SGCD: variants seen among roughly 807,000 people sequenced by gnomAD.
SGCD encodes sarcoglycan delta, also known as delta-sarcoglycan.
A neutral mutation model predicts 36.6 loss-of-function variants in SGCD; 18 were observed. That is an observed-to-expected ratio of 0.49 (90% CI 0.34 to 0.73). SGCD has a LOEUF of 0.73. Among genes scored for constraint, SGCD ranks in the 30% least tolerant of loss-of-function variants. SGCD has a pLI of 0.01. For missense variants in SGCD, 387 were observed against 346.7 expected, an observed-to-expected ratio of 1.12 and a Z score of -0.92; for synonymous variants, 133 against 130.6, an observed-to-expected ratio of 1.02 and a Z score of -0.12.
intron 3 of SGCD, among the ~76,000 whole-genome samples, chr5:156,252,838 G>A (rs965133167): frequency 2.0e-5 from 3 of 152,320 alleles, no homozygotes; most frequent in South Asian, 2.1e-4. Context: ...GTGGCTTTGA[G>A]TGCTCACAAG....
chr5:156,751,313 A>T (rs112765732), intron 7 of SGCD, among the ~76,000 whole-genome samples: 16 of 151,858 alleles, frequency 1.1e-4, no homozygotes, highest in African/African-American at 3.9e-4. Flanking sequence ...ATACACAAAA[A>T]TTAATACCTG....
At chr5:156,014,634 T>C (rs534018373) in intron 1 of SGCD, among the ~76,000 whole-genome samples, 1 of 152,358 alleles carries the variant, frequency 6.6e-6, no homozygotes, top group East Asian at 1.9e-4. Flanking sequence ...TTTTATGTAA[T>C]CTACAGTCCA....
chr5:156,272,256 G>A (rs901799974), intron 3 of SGCD, among the ~76,000 whole-genome samples: 11 of 152,152 alleles, frequency 7.2e-5, no homozygotes, highest in Non-Finnish European at 1.3e-4. Flanking sequence ...CCACTTATAA[G>A]TGAGAACATG....
intron 1 of SGCD, among the ~76,000 whole-genome samples, chr5:156,016,993 G>A (rs183470896): frequency 6.6e-6 from 1 of 152,114 alleles, no homozygotes; most frequent in Non-Finnish European, 1.5e-5. Flanking sequence ...TCTTCTGTTG[G>A]GGTTTTACCT....
intron 4 of SGCD, among the ~76,000 whole-genome samples, chr5:156,550,709 C>G (rs1282016378): frequency 1.3e-5 from 2 of 152,212 alleles, no homozygotes; most frequent in Non-Finnish European, 2.9e-5. Flanking sequence ...AGCCCACTCT[C>G]TAGTCCCATA....
intron 1 of SGCD, among the ~76,000 whole-genome samples, chr5:156,019,601 G>A (rs552588613): frequency 6.6e-6 from 1 of 152,308 alleles, no homozygotes; most frequent in East Asian, 1.9e-4. Flanking sequence ...CTCCATTCAT[G>A]TGACTTATTT....
At chr5:156,252,277 A>G (rs1388232559) in intron 3 of SGCD, among the ~76,000 whole-genome samples, 1 of 151,764 alleles carries the variant, frequency 6.6e-6, no homozygotes, top group East Asian at 1.9e-4. Context: ...GGGTTTCTCC[A>G]TGTTGGTCAG....
the SGCD span, among the ~76,000 whole-genome samples, chr5:155,844,969 C>T: frequency 6.6e-6 from 1 of 152,046 alleles, no homozygotes; most frequent in Non-Finnish European, 1.5e-5. Context: ...TGGTGGTTTG[C>T]TGCACCCATC....
intron 2 of SGCD, among the ~76,000 whole-genome samples, chr5:156,337,501 C>A (rs563117713): frequency 6.6e-6 from 1 of 152,182 alleles, no homozygotes; most frequent in Non-Finnish European, 1.5e-5. Flanking sequence ...CAATCCAACT[C>A]TTGAGCTTCA....
chr5:156,396,265 G>A (rs1181776214), intron 3 of SGCD, among the ~76,000 whole-genome samples: 1 of 152,204 alleles, frequency 6.6e-6, no homozygotes, highest in Non-Finnish European at 1.5e-5. Flanking sequence ...CTCCAGTGCT[G>A]TAGAAATGAT....
At chr5:155,984,678 C>A (rs1758294448) in intron 1 of SGCD, among the ~76,000 whole-genome samples, 1 of 152,192 alleles carries the variant, frequency 6.6e-6, no homozygotes, top group African/African-American at 2.4e-5. Context: ...TCTTTCTGCT[C>A]AAAAATCTCT....
chr5:156,566,619 A>C (rs1759488360), intron 4 of SGCD, among the ~76,000 whole-genome samples: 1 of 151,876 alleles, frequency 6.6e-6, no homozygotes, highest in Admixed American at 6.6e-5. Context: ...CTGTTAATAA[A>C]CCCCTGTTTT....
At chr5:156,696,260 C>T (rs1000402593) in intron 7 of SGCD, among the ~76,000 whole-genome samples, 1 of 152,188 alleles carries the variant, frequency 6.6e-6, no homozygotes, top group Non-Finnish European at 1.5e-5. Flanking sequence ...GAACTTTTCC[C>T]ATGAATTAGG....
At chr5:155,903,111 T>C (rs1185596181) in intron 1 of SGCD, among the ~76,000 whole-genome samples, 1 of 152,190 alleles carries the variant, frequency 6.6e-6, no homozygotes, top group African/African-American at 2.4e-5. Context: ...TGAGTTTGTG[T>C]GTTCTATTTT....
At chr5:156,567,944 C>T (rs1262400670) in intron 4 of SGCD, among the ~76,000 whole-genome samples, 1 of 152,096 alleles carries the variant, frequency 6.6e-6, no homozygotes, top group Non-Finnish European at 1.5e-5. Flanking sequence ...AGGCACAGTT[C>T]TCATTGCTTT....
intron 3 of SGCD, among the ~76,000 whole-genome samples, chr5:156,363,876 A>G (rs934267938): frequency 2.6e-5 from 4 of 152,196 alleles, no homozygotes; most frequent in African/African-American, 7.2e-5. Flanking sequence ...CAGAAGACCC[A>G]GAAATGTCTT....
chr5:156,721,663 T>G (rs184720872), intron 7 of SGCD, among the ~76,000 whole-genome samples: 157 of 151,974 alleles, frequency 1.0e-3, no homozygotes, highest in African/African-American at 3.7e-3. Flanking sequence ...GAAAGAAAAA[T>G]TGATGATACA....
chr5:156,732,145 C>T (rs1235937864), intron 7 of SGCD, among the ~76,000 whole-genome samples: 2 of 151,986 alleles, frequency 1.3e-5, no homozygotes, highest in Non-Finnish European at 2.9e-5. Context: ...TTCTTTCTCA[C>T]CTGAATACCC....
intron 1 of SGCD, among the ~76,000 whole-genome samples, chr5:156,054,165 GAA>G (rs1332549939): frequency 6.9e-6 from 1 of 145,476 alleles, no homozygotes; most frequent in African/African-American, 2.5e-5. Context: ...CGGAGGTTTT[GAA>G]ATATTCAGGG....
Sources: allele counts gnomAD v4.1 joint callset (sites outside exome capture counted in the v4.1 genomes callset), GRCh38; gene constraint gnomAD v4.1.1; transcripts MANE v1.5; gene names NCBI Gene and HGNC (gene_info 2026-07-23, HGNC 2026-07-21).